Variants in ZFHX3 observed in about 807,000 individuals in gnomAD.
ZFHX3 encodes the protein zinc finger homeobox 3.
Under a neutral mutation model 279.1 loss-of-function variants are expected in ZFHX3, and 42 were observed. The observed-to-expected ratio is 0.15, with a 90% CI of 0.12 to 0.19. ZFHX3 has a LOEUF of 0.19. ZFHX3 is among the 10% of genes least tolerant of loss of function. The pLI, the probability that ZFHX3 is intolerant of heterozygous loss-of-function variation, is 1.00. For missense variants in ZFHX3, 4,981 were observed against 4,754.0 expected (o/e 1.05, Z -1.40); for synonymous variants, 2,293 against 1,957.8 (o/e 1.17, Z -4.52).
intron 4 of ZFHX3, among the ~76,000 whole-genome samples, chr16:73,310,537 A>AT (rs1430205172): frequency 5.3e-5 from 8 of 152,074 alleles, no homozygotes; most frequent in Non-Finnish European, 1.0e-4. Context: ...GTCCAGAGAC[A>AT]TTTTTTTGTT....
At chr16:72,917,459 C>T (rs138550261) in intron 3 of ZFHX3, among the ~76,000 whole-genome samples, 4 of 152,266 alleles carry the variant, frequency 2.6e-5, no homozygotes, top group South Asian at 2.1e-4. Context: ...CATCTATGAA[C>T]GTTTAATTTA....
intron 2 of ZFHX3, among the ~76,000 whole-genome samples, chr16:73,533,805 T>C (rs552160651): frequency 6.6e-6 from 1 of 152,298 alleles, no homozygotes; most frequent in Admixed American, 6.5e-5. Flanking sequence ...ACAGCCTTCT[T>C]CTAACCCATC....
At chr16:73,385,581 G>A (rs1316105958) in intron 3 of ZFHX3, among the ~76,000 whole-genome samples, 4 of 152,226 alleles carry the variant, frequency 2.6e-5, no homozygotes, top group African/African-American at 7.2e-5. Context: ...AGTCAACTGA[G>A]CAACGTGTTA....
intron 1 of ZFHX3, among the ~76,000 whole-genome samples, chr16:73,851,510 C>T (rs893553234): frequency 6.6e-6 from 1 of 152,092 alleles, no homozygotes; most frequent in East Asian, 1.9e-4. Flanking sequence ...TTCTCATTTG[C>T]TAAATGGATA....
chr16:73,525,837 C>T (rs149200330), intron 2 of ZFHX3, among the ~76,000 whole-genome samples: 43 of 152,280 alleles, frequency 2.8e-4, no homozygotes, highest in African/African-American at 9.6e-4. Context: ...ACATAATTCT[C>T]AAGACACTTC....
chr16:72,921,902 C>T lies in ZFHX3; in HGVS notation c.3216+28567G>A, dbSNP rs74592429. 1.5e-3 allele frequency among the ~76,000 whole-genome samples: 232 copies of T among 152,330 alleles called. 1 individual carries two copies. The highest frequency in any genetic ancestry group is 5.3e-3 in the African/African-American group (222 of 41,576). Reference sequence around the variant, plus strand: ...CCAGGGAAAAATGAAAATGGCCACACGCACAGATGCAAAACGAAAGCAGGC... The same window carrying T: ...CCAGGGAAAAATGAAAATGGCCACATGCACAGATGCAAAACGAAAGCAGGC... On this transcript the variant is annotated intron_variant, in intron 3 of 9. Coordinates refer to ENST00000268489, the MANE Select transcript of ZFHX3 (RefSeq NM_006885.4).
chr16:73,020,026 A>G (rs1218950353), intron 1 of ZFHX3, among the ~76,000 whole-genome samples: 1 of 152,142 alleles, frequency 6.6e-6, no homozygotes, highest in Non-Finnish European at 1.5e-5. Context: ...ATCATCGCTG[A>G]AAGACAAAAT....
chr16:73,730,882 G>C (rs1022844422), intron 1 of ZFHX3, among the ~76,000 whole-genome samples: 1 of 152,172 alleles, frequency 6.6e-6, no homozygotes, highest in Non-Finnish European at 1.5e-5. Flanking sequence ...AGGAGACCCT[G>C]GGCTCTCTCC....
In ZFHX3 at chr16:72,793,289, G is replaced by A; in HGVS notation, c.9393C>T (p.Ser3131=). ...ATGGAGTAAAGCCTGGCAAGGAGGG[G>A]CTGTTGAGGCCCGGGAGCAACACAG... ...IPPVLLPGLN[S]PSLPGFTPSN... Residue 3131 remains serine, a synonymous_variant, in exon 9 of 10, where the codon AGC becomes AGT. Coordinates refer to ENST00000268489, the MANE Select transcript of ZFHX3 (RefSeq NM_006885.4). The surrounding 1 kb of genome is among the most constrained non-coding windows in gnomAD (Gnocchi z 4.3). 4 of 1,613,980 alleles carry A rather than the reference G, an allele frequency of 2.5e-6. No individual in the cohort carries two copies. The highest frequency in any genetic ancestry group is 3.4e-6 in the Non-Finnish European group (4 of 1,179,916).
At chr16:73,075,185 A>G (rs1169293493) in intron 8 of ZFHX3, among the ~76,000 whole-genome samples, 1 of 152,188 alleles carries the variant, frequency 6.6e-6, no homozygotes, top group Admixed American at 6.5e-5. Context: ...GTGGTGGCTC[A>G]TGCCTGTAAT....
At chr16:73,380,338 A>G (rs962007108) in intron 3 of ZFHX3, among the ~76,000 whole-genome samples, 3 of 152,234 alleles carry the variant, frequency 2.0e-5, no homozygotes, top group Non-Finnish European at 4.4e-5. Context: ...AAAAATAAGA[A>G]CAGAGGGAAT....
chr16:73,699,766 C>T (rs1487835081), intron 1 of ZFHX3, among the ~76,000 whole-genome samples: 5 of 152,106 alleles, frequency 3.3e-5, no homozygotes, highest in African/African-American at 9.7e-5. Context: ...CTTACTTGTA[C>T]TTTTACACAC....
At chr16:73,726,912 C>T (rs896283563) in intron 1 of ZFHX3, among the ~76,000 whole-genome samples, 1 of 152,192 alleles carries the variant, frequency 6.6e-6, no homozygotes, top group African/African-American at 2.4e-5. Context: ...ATTCCAGTAG[C>T]ACACTAGCAC....
At chr16:73,310,157 T>C (rs1206080766) in intron 4 of ZFHX3, among the ~76,000 whole-genome samples, 1 of 152,060 alleles carries the variant, frequency 6.6e-6, no homozygotes, top group Non-Finnish European at 1.5e-5. Flanking sequence ...TCTGCCCGCC[T>C]TGGACTCCCA....
At chr16:73,508,538 A>G (rs879328454) in intron 2 of ZFHX3, among the ~76,000 whole-genome samples, 1 of 152,204 alleles carries the variant, frequency 6.6e-6, no homozygotes, top group Non-Finnish European at 1.5e-5. Context: ...AGTTAGGAGG[A>G]GCAGAGCATG....
chr16:72,831,862 C>T (rs1386054443), intron 4 of ZFHX3, among the ~76,000 whole-genome samples: 2 of 152,078 alleles, frequency 1.3e-5, no homozygotes, highest in Non-Finnish European at 2.9e-5. Context: ...GCCTATTGTT[C>T]CATTATTGGA....
chr16:73,022,747 G>C (rs1213813399), intron 1 of ZFHX3, among the ~76,000 whole-genome samples: 2 of 152,154 alleles, frequency 1.3e-5, no homozygotes, highest in Non-Finnish European at 2.9e-5. Context: ...ACGTGGTAGG[G>C]TAAGAGCTGG....
chr16:73,767,332 A>G (rs1369985749), intron 1 of ZFHX3, among the ~76,000 whole-genome samples: 2 of 152,182 alleles, frequency 1.3e-5, no homozygotes, highest in Non-Finnish European at 2.9e-5. Context: ...TCAAGAATAC[A>G]TTCATGCTCA....
intron 3 of ZFHX3, among the ~76,000 whole-genome samples, chr16:73,339,212 T>G (rs2015982750): frequency 6.6e-6 from 1 of 152,230 alleles, no homozygotes; most frequent in Non-Finnish European, 1.5e-5. Context: ...AGGCTCTGAA[T>G]GTAGAGCTTT....
Sources: gnomAD v4.1 joint callset for allele counts (sites outside exome capture counted in the v4.1 genomes callset) on GRCh38, gnomAD v4.1.1 for gene constraint, Gnocchi (gnomAD v3.1) non-coding constraint, MANE v1.5 for transcripts, NCBI Gene and HGNC (gene_info 2026-07-23, HGNC 2026-07-21) for gene names.